Variants in IMPG1 observed in about 807,000 individuals in gnomAD.
The protein encoded by IMPG1 is interphotoreceptor matrix proteoglycan 1.
In IMPG1, 85 loss-of-function variants were observed where a neutral mutation model predicts 92.0. The ratio of observed to expected loss-of-function variants is 0.92; its 90% CI spans 0.78 to 1.11. IMPG1 has a LOEUF of 1.11. IMPG1 is among the 50% of genes least tolerant of loss of function. The pLI is 0.00. For synonymous variants in IMPG1, 367 were observed against 334.1 expected (o/e 1.10, Z -1.08); for missense variants, 1,022 against 956.0 (o/e 1.07, Z -0.91).
At chr6:76,012,046 AT>A (rs1783194653) in intron 7 of IMPG1, among the ~76,000 whole-genome samples, 1 of 151,630 alleles carries the variant, frequency 6.6e-6, no homozygotes, top group Non-Finnish European at 1.5e-5. Flanking sequence ...GAAATTATCT[AT>A]AATGTGAAAG....
At chr6:75,952,816 G>A (rs1782056995) in intron 12 of IMPG1, among the ~76,000 whole-genome samples, 1 of 152,166 alleles carries the variant, frequency 6.6e-6, no homozygotes, top group Non-Finnish European at 1.5e-5. Flanking sequence ...TGAGAATATA[G>A]CAAGAAGGCA....
intron 1 of IMPG1, among the ~76,000 whole-genome samples, chr6:76,048,609 C>G (rs1056853235): frequency 6.6e-6 from 1 of 152,182 alleles, no homozygotes; most frequent in African/African-American, 2.4e-5. Context: ...CTCTCACTTT[C>G]CTACATCATT....
chr6:76,018,669 CCT>C, intron 7 of IMPG1, 47 bp downstream of exon 7: 1 of 1,564,644 alleles, frequency 6.4e-7, no homozygotes, highest in South Asian at 1.2e-5. Flanking sequence ...TCGGCTCCCA[CCT>C]CTCAGTCACA....
intron 12 of IMPG1, among the ~76,000 whole-genome samples, chr6:75,964,749 C>A (rs1446108637): frequency 1.3e-5 from 2 of 151,474 alleles, no homozygotes; most frequent in Non-Finnish European, 2.9e-5. Flanking sequence ...CTCATTACCC[C>A]TAATAACATC....
intron 13 of IMPG1, among the ~76,000 whole-genome samples, chr6:75,948,294 C>T (rs1313833752): frequency 2.0e-5 from 3 of 152,248 alleles, no homozygotes; most frequent in Non-Finnish European, 2.9e-5. Flanking sequence ...CTGTGAGCCA[C>T]GCCATCCTAG....
At chr6:75,977,479 C>T (rs924729347) in intron 12 of IMPG1, among the ~76,000 whole-genome samples, 19 of 151,224 alleles carry the variant, frequency 1.3e-4, no homozygotes, top group African/African-American at 3.4e-4. Context: ...CCCAGCTACT[C>T]GGGAGGCTGA....
At chr6:75,974,383 CTTTCTTTCTTTTCTTTCT>C (rs1562354698) in intron 12 of IMPG1, among the ~76,000 whole-genome samples, 50 of 75,416 alleles carry the variant, frequency 6.6e-4, no homozygotes, top group South Asian at 9.1e-4. Context: ...TTCTTTCTTT[CTTTCTTTCTTTTCTTTCT>C]TTCCTTCCTT....
chr6:75,924,159 T>C (rs1056852458), intron 15 of IMPG1, among the ~76,000 whole-genome samples: 1 of 151,578 alleles, frequency 6.6e-6, no homozygotes, highest in South Asian at 2.1e-4. Context: ...TATAAATTAG[T>C]AGTCATTATG....
chr6:75,997,577 A>C (rs1782923780), intron 12 of IMPG1, among the ~76,000 whole-genome samples: 1 of 152,158 alleles, frequency 6.6e-6, no homozygotes. Flanking sequence ...AGTATTTACC[A>C]ATAAGGGACA....
At chr6:76,037,662 T>G (rs897053160) in intron 2 of IMPG1, among the ~76,000 whole-genome samples, 3 of 152,334 alleles carry the variant, frequency 2.0e-5, no homozygotes, top group Non-Finnish European at 2.9e-5. Context: ...CAGCTGCCTT[T>G]GCTAGCCTTC....
chr6:75,945,339 T>C (rs566706500), intron 14 of IMPG1, among the ~76,000 whole-genome samples: 1 of 151,362 alleles, frequency 6.6e-6, no homozygotes, highest in Admixed American at 6.6e-5. Context: ...CATTTTCTTT[T>C]CTTCTCTTTT....
chr6:76,015,867 A>G (rs1340658152), intron 7 of IMPG1, among the ~76,000 whole-genome samples: 1 of 151,904 alleles, frequency 6.6e-6, no homozygotes, highest in Non-Finnish European at 1.5e-5. Context: ...TGATGATACA[A>G]TAGTCCCTTC....
chr6:76,041,322 A>G (rs1473397926), intron 2 of IMPG1, among the ~76,000 whole-genome samples: 5 of 152,094 alleles, frequency 3.3e-5, no homozygotes, highest in Admixed American at 3.3e-4. Context: ...AACCACTGTA[A>G]TTGTGTTGTA....
intron 1 of IMPG1, among the ~76,000 whole-genome samples, chr6:76,047,974 A>T (rs907936587): frequency 6.6e-6 from 1 of 152,240 alleles, no homozygotes; most frequent in Non-Finnish European, 1.5e-5. Flanking sequence ...TATATAAAGT[A>T]TATTTTAGTA....
chr6:75,991,349 C>G lies in IMPG1; in HGVS notation c.1291+11569G>C, dbSNP rs190170604. On this transcript the variant is annotated intron_variant, in intron 12 of 16. Transcript: ENST00000369950. ...GAGGTTGCAGTGAGCCAAGATTGCACCACTGCATTCCAGCCTGGGTGACAG... is the reference window on the plus strand; with the variant it reads ...GAGGTTGCAGTGAGCCAAGATTGCAGCACTGCATTCCAGCCTGGGTGACAG... 5.9e-5 allele frequency among the ~76,000 whole-genome samples: 9 copies of G among 151,830 alleles called. No homozygotes were observed. In the East Asian group the frequency reaches 1.7e-3, roughly 29 times the overall value.
intron 5 of IMPG1, among the ~76,000 whole-genome samples, chr6:76,024,601 G>GA (rs558909688): frequency 6.6e-6 from 1 of 151,788 alleles, no homozygotes; most frequent in African/African-American, 2.4e-5. Flanking sequence ...AAAATTTCTG[G>GA]AAAAAAAATT....
At chr6:75,968,742 A>G (rs1582073898) in intron 12 of IMPG1, among the ~76,000 whole-genome samples, 1 of 152,240 alleles carries the variant, frequency 6.6e-6, no homozygotes, top group East Asian at 1.9e-4. Flanking sequence ...AGTTTATTGC[A>G]GCATTATTTA....
At chr6:76,034,184 G>T in intron 4 of IMPG1, 131 bp downstream of exon 4, 1 of 815,582 alleles carries the variant, frequency 1.2e-6, no homozygotes, top group Non-Finnish European at 2.0e-6. Flanking sequence ...GGAATTGTCT[G>T]TCAGAATAAT....
chr6:76,053,797 T>G (rs1784079346), intron 1 of IMPG1, among the ~76,000 whole-genome samples: 1 of 152,164 alleles, frequency 6.6e-6, no homozygotes, highest in East Asian at 1.9e-4. Context: ...CACACTACTC[T>G]TTGGTTTTAT....
Sources: allele counts gnomAD v4.1 joint callset (sites outside exome capture counted in the v4.1 genomes callset), GRCh38; gene constraint gnomAD v4.1.1; transcripts MANE v1.5; gene names NCBI Gene and HGNC (gene_info 2026-07-23, HGNC 2026-07-21).